NCKAP5L: variants seen among roughly 807,000 people sequenced by gnomAD.
The protein encoded by NCKAP5L is NCK associated protein 5 like.
Under a neutral mutation model 103.2 loss-of-function variants are expected in NCKAP5L, and 54 were observed. That is an observed-to-expected ratio of 0.52 (90% CI 0.42 to 0.66). NCKAP5L has a LOEUF of 0.66. Ranked by LOEUF, NCKAP5L falls within the 30% of genes least tolerant of loss-of-function variation. NCKAP5L has a pLI of 0.00. For missense variants in NCKAP5L, 1,733 were observed against 1,750.6 expected, an observed-to-expected ratio of 0.99 and a Z score of 0.18; for synonymous variants, 762 against 748.6, an observed-to-expected ratio of 1.02 and a Z score of -0.29.
intron 3 of NCKAP5L, 129 bp downstream of exon 3, chr12:49,803,793 C>A: frequency 1.6e-6 from 2 of 1,252,144 alleles, no homozygotes. Context: ...TAGCCTCCTG[C>A]CTGGCAAAGC....
At chr12:49,812,876 C>T (rs1419830693) in intron 1 of NCKAP5L, among the ~76,000 whole-genome samples, 7 of 152,212 alleles carry the variant, frequency 4.6e-5, no homozygotes, top group Non-Finnish European at 8.8e-5. Flanking sequence ...AATCTGAGGA[C>T]GCTCAAGTCC....
In NCKAP5L at chr12:49,796,378, G is replaced by C; in HGVS notation, c.1482C>G (p.Asp494Glu). 1 of 1,579,188 alleles carries C rather than the reference G, an allele frequency of 6.3e-7. No homozygotes were observed. Reference protein sequence around the residue: ...SRIPCRNSGSDGSPSPLLARR... With the variant: ...SRIPCRNSGSEGSPSPLLARR... ...GGGCCAACAGTGGGGAGGGGCTGCC[G>C]TCTGAGCCACTGTTCCGACAGGGGA... is the stretch of plus-strand genomic sequence containing the variant. Residue 494 changes from aspartate to glutamate, a missense_variant, in exon 8 of 13, where the codon GAC becomes GAG. Asp to Glu is a conservative substitution (Grantham distance 45). Transcript: ENST00000335999.
At chr12:49,803,773 A>G in intron 3 of NCKAP5L, 149 bp downstream of exon 3, 1 of 1,078,900 alleles carries the variant, frequency 9.3e-7, no homozygotes, top group Admixed American at 2.8e-5. Context: ...TTTGCAAAAG[A>G]ATGTTCTGCT....
chr12:49,799,868 GA>G (rs1946099630), intron 6 of NCKAP5L, among the ~76,000 whole-genome samples: 1 of 152,116 alleles, frequency 6.6e-6, no homozygotes, highest in Non-Finnish European at 1.5e-5. Flanking sequence ...TTTCCACAGG[GA>G]TCCCTCTGCC....
At position 49,792,007 on chromosome 12, in the gene NCKAP5L, C is replaced by T. The variant is rs768830633; in HGVS notation, c.3837G>A (p.Pro1279=). The part of the protein sequence containing the change: ...DRKRSQEPSR[P]SPTPQGPPFG... ...AAGGTGGGCCCTGGGGCGTAGGGGACGGGCGGCTGGGCTCCTGGCTTCGCT... is the reference window on the plus strand; with the variant it reads ...AAGGTGGGCCCTGGGGCGTAGGGGATGGGCGGCTGGGCTCCTGGCTTCGCT... The change falls in exon 13 of 13, where the codon CCG becomes CCA. Residue 1279 remains proline, a synonymous_variant. Coordinates refer to ENST00000335999, the MANE Select transcript of NCKAP5L (RefSeq NM_001037806.4). The surrounding 1 kb of genome is among the most constrained non-coding windows in gnomAD (Gnocchi z 4.5). 2.3e-5 allele frequency: 37 copies of T among 1,578,348 alleles called. 1 individual carries two copies. The South Asian group carries it at 2.9e-4, about 12-fold the overall frequency.
intron 1 of NCKAP5L, among the ~76,000 whole-genome samples, chr12:49,822,400 A>G (rs1946370527): frequency 6.6e-6 from 1 of 152,178 alleles, no homozygotes; most frequent in Non-Finnish European, 1.5e-5. Context: ...GGCAACAAAT[A>G]CAGTAGACAT....
intron 1 of NCKAP5L, among the ~76,000 whole-genome samples, chr12:49,814,401 G>A (rs553693536): frequency 1.3e-5 from 2 of 150,520 alleles, no homozygotes; most frequent in East Asian, 3.9e-4. Context: ...GGAGAACCGT[G>A]TGAACCCGGG....
Position 49,803,175 on chromosome 12 carries a change from TGAGG to T in NCKAP5L, c.124-14_124-11del. On this transcript the variant is annotated splice_polypyrimidine_tract_variant and intron_variant, in intron 3 of 12. Transcript: ENST00000335999. ...GTGCCGAGTTCTCTGCCTGCAGGAGTGAGGGAGGAAGAGGGCAAAAAGGTGGCTT... is the reference window on the plus strand; with the variant it reads ...GTGCCGAGTTCTCTGCCTGCAGGAGTGAGGAAGAGGGCAAAAAGGTGGCTT... 6.2e-7 allele frequency: 1 copy of T among 1,613,694 alleles called. No individual in the cohort carries two copies. Among genetic ancestry groups the T allele is most frequent in the Non-Finnish European group, 8.5e-7 (1 of 1,179,828 alleles).
chr12:49,815,566 G>A (rs1946287016), intron 1 of NCKAP5L, among the ~76,000 whole-genome samples: 1 of 152,178 alleles, frequency 6.6e-6, no homozygotes, highest in African/African-American at 2.4e-5. Context: ...CCAGGCTGGA[G>A]TGCAATGGCG....
In NCKAP5L at chr12:49,792,331, G is replaced by T. The variant is rs1486797396; in HGVS notation, c.3792+115C>A. ...ATCCCAGGGGTCCTCCTCCCAGAGG[G>T]TGCAGCACTGAGACTGTGCGACACA... On this transcript the variant is annotated intron_variant, in intron 12 of 12. Coordinates refer to ENST00000335999, the MANE Select transcript of NCKAP5L (RefSeq NM_001037806.4). The surrounding 1 kb of genome is among the most constrained non-coding windows in gnomAD (Gnocchi z 4.5). The T allele has an allele frequency of 6.5e-7, 1 of 1,543,830 alleles. No homozygotes were observed. The highest frequency in any genetic ancestry group is 2.0e-5 in the Admixed American group (1 of 51,172).
chr12:49,795,496 G>A lies in NCKAP5L; in HGVS notation c.2364C>T (p.Pro788=). 1.3e-6 allele frequency: 2 copies of A among 1,533,826 alleles called. No homozygotes were observed. Among genetic ancestry groups the A allele is most frequent in the Non-Finnish European group, 1.7e-6 (2 of 1,145,634 alleles). The change falls in exon 8 of 13, where the codon CCC becomes CCT. Residue 788 remains proline (P), a synonymous_variant. Transcript: ENST00000335999. ...AKSRLAGALC[P]QVPRTPAKVP... ...CTTTGGCAGGGGTACGGGGTACCTG[G>A]GGGCACAGGGCCCCTGCCAGCCGGC...
rs753506288 is a variant in NCKAP5L at position 49,795,190 on chromosome 12, G to A, written c.2670C>T (p.Gly890=). The A allele has an allele frequency of 7.5e-6, 12 of 1,595,100 alleles. No individual in the cohort carries two copies. In the South Asian group the frequency reaches 1.3e-4, roughly 18 times the overall value. The part of the protein sequence containing the change: ...HSAIEEKVMK[G]IEENVLRLQG... The stretch of plus-strand genomic sequence containing the variant: ...GGAGCCGCAGCACGTTCTCCTCAAT[G>A]CCCTTCATCACCTTCTCCTCGATGG... Residue 890 remains glycine, a synonymous_variant, in exon 8 of 13, where the codon GGC becomes GGT. Coordinates refer to ENST00000335999, the MANE Select transcript of NCKAP5L (RefSeq NM_001037806.4).
At chr12:49,793,977 G>T in intron 8 of NCKAP5L, 81 bp from the exon 9 acceptor site, 1 of 1,272,334 alleles carries the variant, frequency 7.9e-7, no homozygotes, top group Non-Finnish European at 1.0e-6. Context: ...AATGGTGCTG[G>T]GCTTAGGGAG....
intron 9 of NCKAP5L, 120 bp from the exon 10 acceptor site, chr12:49,793,553 A>G: frequency 8.0e-7 from 1 of 1,253,806 alleles, no homozygotes; most frequent in Admixed American, 2.3e-5. Flanking sequence ...AGGGCCCAGG[A>G]GTATGGATCT....
chr12:49,799,189 C>T (rs1946091878), intron 6 of NCKAP5L, among the ~76,000 whole-genome samples: 1 of 152,136 alleles, frequency 6.6e-6, no homozygotes, highest in African/African-American at 2.4e-5. Context: ...CTCTGGCCTG[C>T]ACTACTCAGC....
At chr12:49,826,504 C>T (rs1167778310) in intron 1 of NCKAP5L, among the ~76,000 whole-genome samples, 1 of 152,180 alleles carries the variant, frequency 6.6e-6, no homozygotes, top group Non-Finnish European at 1.5e-5. Context: ...CTAATCCTAA[C>T]TAATTGCAAT....
intron 1 of NCKAP5L, among the ~76,000 whole-genome samples, chr12:49,819,399 A>C (rs1034579272): frequency 2.0e-5 from 3 of 152,302 alleles, no homozygotes. Context: ...ATGTTTATTC[A>C]TTGTAGTCAA....
chr12:49,793,307 AG>A (rs772079868), intron 10 of NCKAP5L, 44 bp downstream of exon 10: 17 of 1,545,766 alleles, frequency 1.1e-5, no homozygotes, highest in Admixed American at 3.4e-5. Flanking sequence ...AGAAGTGGGT[AG>A]GGGGGTGGGG....
intron 2 of NCKAP5L, 193 bp from the exon 3 acceptor site, chr12:49,804,273 T>G (rs1187840990): frequency 2.4e-6 from 1 of 422,346 alleles, no homozygotes; most frequent in Non-Finnish European, 4.2e-6. Context: ...CAGAGACCAT[T>G]GTTTTAGAAA....
Sources: gnomAD v4.1 joint callset for allele counts (sites outside exome capture counted in the v4.1 genomes callset) on GRCh38, gnomAD v4.1.1 for gene constraint, Gnocchi (gnomAD v3.1) non-coding constraint, MANE v1.5 for transcripts, NCBI Gene and HGNC (gene_info 2026-07-23, HGNC 2026-07-21) for gene names.